The following CARD9 variants were observed in gnomAD, a reference collection of about 807,000 sequenced individuals.
CARD9 encodes caspase recruitment domain-containing protein 9.
In CARD9, 53 loss-of-function variants were observed where a neutral mutation model predicts 66.0. The ratio of observed to expected loss-of-function variants is 0.80; its 90% CI spans 0.64 to 1.01. The LOEUF (loss-of-function observed/expected upper bound fraction) is 1.01. Ranked by LOEUF, CARD9 falls within the 50% of genes least tolerant of loss-of-function variation. CARD9 has a pLI of 0.00. For synonymous variants in CARD9, 387 were observed against 313.8 expected (o/e 1.23, Z -2.47); for missense variants, 769 against 743.2 (o/e 1.03, Z -0.40).
chr9:136,367,893 G>C, intron 7 of CARD9, 65 bp from the exon 8 acceptor site: 3 of 1,519,124 alleles, frequency 2.0e-6, no homozygotes, highest in South Asian at 1.2e-5. Context: ...CCCTCGGCCC[G>C]GCCGCCCAAC....
Position 136,371,975 on chromosome 9 carries a change from C to T in CARD9, c.104G>A (p.Arg35Gln), listed in dbSNP as rs1454037218. The T allele has an allele frequency of 3.7e-6, 6 of 1,612,632 alleles. No homozygotes were observed. Among genetic ancestry groups the T allele is most frequent in the South Asian group, 1.1e-5 (1 of 91,078 alleles). Reference protein sequence around the residue: ...IDPSRITPYLRQCKVLNPDDE... With the variant: ...IDPSRITPYLQQCKVLNPDDE... ...ATCGGGGTTCAGGACCTTGCACTGCCGCAGGTAAGGTGTGATGCGTGAGGG... is the reference window on the plus strand; with the variant it reads ...ATCGGGGTTCAGGACCTTGCACTGCTGCAGGTAAGGTGTGATGCGTGAGGG... The change falls in exon 2 of 13, where the codon CGG becomes CAG. Residue 35 changes from arginine (R) to glutamine (Q), a missense_variant. By Grantham distance (43) the Arg-to-Gln change is conservative. Coordinates refer to ENST00000371732, the MANE Select transcript of CARD9 (RefSeq NM_052813.5).
At position 136,367,724 on chromosome 9, in the gene CARD9, C is replaced by T. The variant is rs771660974; in HGVS notation, c.1182G>A (p.Glu394=). The change falls in exon 8 of 13, where the codon GAG becomes GAA. Residue 394 remains glutamate (E), a synonymous_variant. Transcript: ENST00000371732. ...CACACTGGAACACCTGCAGCTGCAG[C>T]TCATCCGCCTTCTCGCCCAGCTCCC... The part of the protein sequence containing the change: ...QVRELGEKAD[E]LQLQVFQCEA... The T allele has an allele frequency of 6.2e-7, 1 of 1,605,118 alleles. No homozygotes were observed. Among genetic ancestry groups the T allele is most frequent in the Non-Finnish European group, 8.5e-7 (1 of 1,179,382 alleles).
At position 136,364,154 on chromosome 9, in the gene CARD9, C is replaced by T. The variant is rs1159747763; in HGVS notation, c.*148G>A. On this transcript the variant is annotated 3_prime_UTR_variant, in exon 13 of 13. Coordinates refer to ENST00000371732, the MANE Select transcript of CARD9 (RefSeq NM_052813.5). ...CAAACGGCCCCAATGCCCGGCAGTCCGGCTGGGCCTTTCAGGGCACCAGAT... is the reference window on the plus strand; with the variant it reads ...CAAACGGCCCCAATGCCCGGCAGTCTGGCTGGGCCTTTCAGGGCACCAGAT... 1.3e-6 allele frequency: 2 copies of T among 1,550,570 alleles called. No individual in the cohort carries two copies. The highest frequency in any genetic ancestry group is 1.7e-6 in the Non-Finnish European group (2 of 1,146,864).
At chr9:136,368,417 C>T (rs1445535500) in intron 7 of CARD9, among the ~76,000 whole-genome samples, 2 of 152,254 alleles carry the variant, frequency 1.3e-5, no homozygotes, top group Non-Finnish European at 2.9e-5. Context: ...CTGGATCTGC[C>T]CTTTTCCCCT....
chr9:136,364,812 C>G, intron 11 of CARD9: 1 of 600,060 alleles, frequency 1.7e-6, no homozygotes, highest in Non-Finnish European at 3.0e-6. Flanking sequence ...GGGGTCCGGG[C>G]CATTGTTTCT....
chr9:136,371,150 G>A lies in CARD9; in HGVS notation c.323-5C>T. 2 of 1,611,960 alleles carry A rather than the reference G, an allele frequency of 1.2e-6. No individual in the cohort carries two copies. Among genetic ancestry groups the A allele is most frequent in the Non-Finnish European group, 1.7e-6 (2 of 1,179,700 alleles). ...GGCCTGACTCCCCGGACGCGTCTGT[G>A]GGCCAGGCCAGTGTCAGATGGTGCC... On this transcript the variant is annotated splice_polypyrimidine_tract_variant and splice_region_variant and intron_variant, in intron 3 of 12. Coordinates refer to ENST00000371732, the MANE Select transcript of CARD9 (RefSeq NM_052813.5).
Position 136,367,657 on chromosome 9 carries a change from G to C in CARD9, c.1249C>G (p.Gln417Glu). 1 of 1,593,284 alleles carries C rather than the reference G, an allele frequency of 6.3e-7. No homozygotes were observed. Among genetic ancestry groups the C allele is most frequent in the Non-Finnish European group, 8.5e-7 (1 of 1,175,858 alleles). Residue 417 changes from glutamine (Q) to glutamate (E), a missense_variant, in exon 8 of 13, where the codon CAG (glutamine) becomes GAG (glutamate). Coordinates refer to ENST00000371732, the MANE Select transcript of CARD9 (RefSeq NM_052813.5). ...CCCACCAGGACGAGCGTCTCCAGCT[G>C]CTGCCGCCTGAGCCTGCCCTCCACG... ...LAVEGRLRRQ[Q>E]LETLVLSSDL...
chr9:136,370,627 G>C lies in CARD9; in HGVS notation c.702C>G (p.Leu234=). The change falls in exon 5 of 13, where the codon CTC becomes CTG. Residue 234 remains leucine (L), a synonymous_variant. Transcript: ENST00000371732. ...TGGGCCGCTGCTCCATGGCGTGCCT[G>C]AGCTTCAGCGTGTGCTTGCGCTCCA... ...CKVERKHTLK[L]RHAMEQRPSQ... The C allele has an allele frequency of 6.2e-7, 1 of 1,612,748 alleles. No homozygotes were observed. The highest frequency in any genetic ancestry group is 1.1e-5 in the South Asian group (1 of 91,088).
chr9:136,364,450 C>G (rs1421054078), intron 12 of CARD9, 33 bp downstream of exon 12: 2 of 1,541,118 alleles, frequency 1.3e-6, no homozygotes, highest in East Asian at 4.9e-5. Context: ...CTCCCCAGCC[C>G]GTTTTGGAGA....
intron 7 of CARD9, among the ~76,000 whole-genome samples, chr9:136,369,253 G>GT (rs1833198389): frequency 1.3e-5 from 2 of 152,166 alleles, no homozygotes; most frequent in African/African-American, 4.8e-5. Flanking sequence ...ACCACGTCCA[G>GT]CCAAGCTTTT....
At chr9:136,372,185 C>G in intron 1 of CARD9, 91 bp from the exon 2 acceptor site, 1 of 1,535,880 alleles carries the variant, frequency 6.5e-7, no homozygotes, top group Non-Finnish European at 8.8e-7. Context: ...TGGGCCAGGG[C>G]TCTCGTCAGG....
Position 136,364,213 on chromosome 9 carries a change from G to A in CARD9, c.*89C>T, listed in dbSNP as rs1588718700. On this transcript the variant is annotated 3_prime_UTR_variant, in exon 13 of 13. Transcript: ENST00000371732. The stretch of plus-strand genomic sequence containing the variant: ...CCAGGCCAAGTCAGCGACGGCTCGG[G>A]GAAGTCTGCGCCCCAGGGCGTCGGC... 15 of 1,550,414 alleles carry A rather than the reference G, an allele frequency of 9.7e-6. No homozygotes were observed. The East Asian group carries it at 3.7e-4, about 38-fold the overall frequency.
intron 7 of CARD9, chr9:136,368,045 C>T: frequency 2.8e-6 from 4 of 1,409,378 alleles, no homozygotes; most frequent in East Asian, 5.3e-5. Flanking sequence ...CTTCTGTCTC[C>T]TCCCAAGCCT....
In CARD9 at chr9:136,370,752, A is replaced by ACCCG. The variant is rs780845153; in HGVS notation, c.628-55_628-52dup. On this transcript the variant is annotated intron_variant, in intron 4 of 12. Coordinates refer to ENST00000371732, the MANE Select transcript of CARD9 (RefSeq NM_052813.5). ...TGTCCCCTCCAGGCGGTGACCGCAG[A>ACCCG]CCCGTGGGGCCACCCCCGACCGCCC... 2.5e-6 allele frequency: 4 copies of ACCCG among 1,610,654 alleles called. No individual in the cohort carries two copies. The Admixed American group carries it at 6.7e-5, about 27-fold the overall frequency.
At chr9:136,368,131 A>G (rs1367712580) in intron 7 of CARD9, among the ~76,000 whole-genome samples, 1 of 152,208 alleles carries the variant, frequency 6.6e-6, no homozygotes, top group Non-Finnish European at 1.5e-5. Flanking sequence ...GCGGCTTGAT[A>G]TGGAGACCCT....
At chr9:136,364,638 C>T in intron 11 of CARD9, 79 bp from the exon 12 acceptor site, 2 of 1,396,850 alleles carry the variant, frequency 1.4e-6, no homozygotes, top group Non-Finnish European at 9.7e-7. Context: ...CCACTGGCCC[C>T]TGTAACTGCA....
chr9:136,364,141 A>G lies in CARD9; in HGVS notation c.*161T>C, dbSNP rs781466220. The stretch of plus-strand genomic sequence containing the variant: ...GAGTGCCGCTTAACAAACGGCCCCA[A>G]TGCCCGGCAGTCCGGCTGGGCCTTT... On this transcript the variant is annotated 3_prime_UTR_variant, in exon 13 of 13. Transcript: ENST00000371732. The G allele has an allele frequency of 3.4e-5, 53 of 1,550,424 alleles. No homozygotes were observed. In the African/African-American group the frequency reaches 3.7e-4, roughly 11 times the overall value.
Position 136,370,053 on chromosome 9 carries a change from C to T in CARD9, c.952-178G>A, listed in dbSNP as rs943389836. ...ACTTCCAGACCGCGGCAGGACAGGGCCCTCCGGCAGGCCTCAGACACTGCT... is the reference window on the plus strand; with the variant it reads ...ACTTCCAGACCGCGGCAGGACAGGGTCCTCCGGCAGGCCTCAGACACTGCT... On this transcript the variant is annotated intron_variant, in intron 6 of 12. Coordinates refer to ENST00000371732, the MANE Select transcript of CARD9 (RefSeq NM_052813.5). 5.7e-6 allele frequency: 8 copies of T among 1,414,058 alleles called. No individual in the cohort carries two copies. In the African/African-American group the frequency reaches 1.1e-4, roughly 20 times the overall value. 87.6% of individuals were successfully genotyped at this position (1,414,058 alleles called of 1,614,324 possible).
Position 136,370,324 on chromosome 9 carries a change from G to T in CARD9, c.921C>A (p.Asp307Glu). ...QANTIFSLRK[D>E]LRQGEARRLR... The stretch of plus-strand genomic sequence containing the variant: ...GGCGTCGGGCCTCGCCCTGGCGGAG[G>T]TCCTTGCGCAGGGAGAAGATGGTGT... The change falls in exon 6 of 13, where the codon GAC becomes GAA. Residue 307 changes from aspartate (D) to glutamate (E), a missense_variant. By Grantham distance (45) the Asp-to-Glu change is conservative. Coordinates refer to ENST00000371732, the MANE Select transcript of CARD9 (RefSeq NM_052813.5). 6.2e-7 allele frequency: 1 copy of T among 1,608,212 alleles called. No individual in the cohort carries two copies. Among genetic ancestry groups the T allele is most frequent in the Non-Finnish European group, 8.5e-7 (1 of 1,179,166 alleles).
Sources: allele counts gnomAD v4.1 joint callset (sites outside exome capture counted in the v4.1 genomes callset), GRCh38; gene constraint gnomAD v4.1.1; transcripts MANE v1.5; gene names NCBI Gene and HGNC (gene_info 2026-07-23, HGNC 2026-07-21).